The following PITPNC1 variants were observed in gnomAD, a reference collection of about 807,000 sequenced individuals.
PITPNC1 encodes phosphatidylinositol transfer protein cytoplasmic 1, also known as cytoplasmic phosphatidylinositol transfer protein 1.
PITPNC1 carries 18 observed loss-of-function variants against 44.7 expected under a neutral mutation model. That is an observed-to-expected ratio of 0.40 (90% CI 0.28 to 0.60). PITPNC1 has a LOEUF of 0.60. PITPNC1 is among the 20% of genes least tolerant of loss of function. The pLI, the probability that PITPNC1 is intolerant of heterozygous loss-of-function variation, is 0.39. For missense variants in PITPNC1, 290 were observed against 418.4 expected, an observed-to-expected ratio of 0.69 and a Z score of 2.68; for synonymous variants, 141 against 149.6, an observed-to-expected ratio of 0.94 and a Z score of 0.42.
intron 5 of PITPNC1, among the ~76,000 whole-genome samples, chr17:67,603,229 C>T (rs995944467): frequency 9.2e-5 from 14 of 152,238 alleles, no homozygotes; most frequent in Middle Eastern, 3.4e-3. Context: ...CAAGCAGGCT[C>T]GCCTGTGCCC....
intron 6 of PITPNC1, 181 bp downstream of exon 6, chr17:67,632,419 A>G (rs1598910976): frequency 1.7e-6 from 1 of 595,412 alleles, no homozygotes; most frequent in East Asian, 2.8e-5. Flanking sequence ...TTCAGGGACC[A>G]TCATTGGCCC....
intron 8 of PITPNC1, among the ~76,000 whole-genome samples, chr17:67,690,211 G>A (rs2042894799): frequency 6.6e-6 from 1 of 152,030 alleles, no homozygotes; most frequent in South Asian, 2.1e-4. Flanking sequence ...ACTTTGGGAG[G>A]CTGAGGTGGA....
At chr17:67,668,591 C>T (rs1167173396) in intron 6 of PITPNC1, among the ~76,000 whole-genome samples, 3 of 151,574 alleles carry the variant, frequency 2.0e-5, no homozygotes, top group African/African-American at 7.3e-5. Context: ...AGGCCAGGCA[C>T]GGTGGCTCAC....
intron 1 of PITPNC1, among the ~76,000 whole-genome samples, chr17:67,500,854 T>A (rs1018283090): frequency 1.3e-4 from 17 of 134,218 alleles, no homozygotes; most frequent in East Asian, 2.0e-4. Flanking sequence ...CTTGACAAAA[T>A]TTTTTTTTTT....
intron 5 of PITPNC1, among the ~76,000 whole-genome samples, chr17:67,599,005 T>C (rs183332755): frequency 0.015 from 360 of 24,808 alleles, 7 homozygotes; most frequent in Middle Eastern, 0.033. Flanking sequence ...GAAATACATA[T>C]ATATATATAT....
At chr17:67,444,978 C>G (rs925879971) in intron 1 of PITPNC1, among the ~76,000 whole-genome samples, 2 of 150,390 alleles carry the variant, frequency 1.3e-5, no homozygotes, top group Non-Finnish European at 3.0e-5. Flanking sequence ...TACCCATATC[C>G]TAGTGGGGTA....
intron 5 of PITPNC1, among the ~76,000 whole-genome samples, chr17:67,609,382 C>T (rs1015117044): frequency 2.0e-5 from 3 of 148,858 alleles, no homozygotes; most frequent in South Asian, 2.1e-4. Context: ...CTCTGCCTCC[C>T]GGGTTCAAGT....
chr17:67,449,482 C>T (rs987992160), intron 1 of PITPNC1, among the ~76,000 whole-genome samples: 2 of 152,134 alleles, frequency 1.3e-5, no homozygotes, highest in Non-Finnish European at 2.9e-5. Flanking sequence ...ATAAGCATAA[C>T]ACTTTTCATT....
rs1245571504 is a variant in PITPNC1, at chr17:67,695,424, AAC to A, written c.*2538_*2539del. 1 of 152,028 alleles carries A rather than the reference AAC, an allele frequency of 6.6e-6. No homozygotes were observed. Among genetic ancestry groups the A allele is most frequent in the Non-Finnish European group, 1.5e-5 (1 of 68,002 alleles). The allele number at this position is 152,028 out of a possible 1,614,324, so 9.4% of individuals were successfully genotyped here. On this transcript the variant is annotated 3_prime_UTR_variant, in exon 9 of 9. Coordinates refer to ENST00000581322, the MANE Select transcript of PITPNC1 (RefSeq NM_012417.4). ...GCCTGCAATGGATGTATATATACAG[AAC>A]ATTAATAATTCTTAGAAGGATGGAA...
chr17:67,446,778 G>A lies in PITPNC1; in HGVS notation c.48+68576G>A, dbSNP rs1002402249. ...GCAGATGCACCTGACAGCCATAACC[G>A]AAGCACATCCTAAGAATGACCCTAA... On this transcript the variant is annotated intron_variant, in intron 1 of 8. Transcript: ENST00000581322. Among the ~76,000 whole-genome samples the A allele has an allele frequency of 3.3e-5, 5 of 151,634 alleles. No homozygotes were observed. The East Asian group carries it at 7.7e-4, about 24-fold the overall frequency.
At chr17:67,631,671 T>TATATATATATA (rs1272988970) in intron 5 of PITPNC1, among the ~76,000 whole-genome samples, 1 of 69,668 alleles carries the variant, frequency 1.4e-5, no homozygotes, top group East Asian at 3.4e-4. Context: ...TATATATATA[T>TATATATATATA]AAAATATATA....
chr17:67,513,297 A>C (rs1408309503), intron 1 of PITPNC1, among the ~76,000 whole-genome samples: 2 of 151,516 alleles, frequency 1.3e-5, no homozygotes, highest in African/African-American at 4.8e-5. Flanking sequence ...CCAGGAGGCA[A>C]AAGCGAGCTG....
chr17:67,654,279 C>G (rs964256324), intron 6 of PITPNC1, among the ~76,000 whole-genome samples: 7 of 152,204 alleles, frequency 4.6e-5, no homozygotes, highest in Non-Finnish European at 8.8e-5. Context: ...CATGTGACAG[C>G]TTCCAGAAAA....
chr17:67,653,655 T>C (rs2042233171), intron 6 of PITPNC1, among the ~76,000 whole-genome samples: 1 of 152,216 alleles, frequency 6.6e-6, no homozygotes, highest in African/African-American at 2.4e-5. Flanking sequence ...ACATGTTAGA[T>C]TTCTTTCTCT....
At chr17:67,601,793 C>T (rs2041543789) in intron 5 of PITPNC1, among the ~76,000 whole-genome samples, 1 of 151,828 alleles carries the variant, frequency 6.6e-6, no homozygotes, top group Admixed American at 6.6e-5. Flanking sequence ...GAGGAAGAGC[C>T]TGCCCCCGGG....
At chr17:67,595,129 A>G (rs2144263084) in intron 5 of PITPNC1, among the ~76,000 whole-genome samples, 1 of 152,356 alleles carries the variant, frequency 6.6e-6, no homozygotes, top group South Asian at 2.1e-4. Flanking sequence ...ATTGAGATGT[A>G]CATCATGAGT....
At chr17:67,565,255 G>A (rs549382431) in intron 4 of PITPNC1, among the ~76,000 whole-genome samples, 62 of 147,872 alleles carry the variant, frequency 4.2e-4, no homozygotes, top group Middle Eastern at 3.8e-3. Context: ...CATGGTTTTC[G>A]GTGTGTATAC....
chr17:67,387,388 A>G lies in PITPNC1; in HGVS notation c.48+9186A>G, dbSNP rs150267753. Reference sequence around the variant, plus strand: ...TTTTTCCTCATCTAAATCTCTGGCCAGGCACAGCGGCTCACGCCTGTAATC... The same window carrying G: ...TTTTTCCTCATCTAAATCTCTGGCCGGGCACAGCGGCTCACGCCTGTAATC... On this transcript the variant is annotated intron_variant, in intron 1 of 8. Coordinates refer to ENST00000581322, the MANE Select transcript of PITPNC1 (RefSeq NM_012417.4). Among the ~76,000 whole-genome samples, 288 of 152,240 alleles carry G rather than the reference A, an allele frequency of 1.9e-3. 3 individuals are homozygous for G. The highest frequency in any genetic ancestry group is 6.5e-3 in the African/African-American group (271 of 41,556).
chr17:67,455,707 G>A (rs1389333983), intron 1 of PITPNC1, among the ~76,000 whole-genome samples: 1 of 151,922 alleles, frequency 6.6e-6, no homozygotes, highest in Non-Finnish European at 1.5e-5. Flanking sequence ...CTTCCAAAAT[G>A]CTGGGATTAC....
Sources: gnomAD v4.1 joint callset for allele counts (sites outside exome capture counted in the v4.1 genomes callset) on GRCh38, gnomAD v4.1.1 for gene constraint, MANE v1.5 for transcripts, NCBI Gene and HGNC (gene_info 2026-07-23, HGNC 2026-07-21) for gene names.